BMP2K: variants seen among roughly 807,000 people sequenced by gnomAD.
The protein encoded by BMP2K is BMP2 inducible kinase.
A neutral mutation model predicts 116.0 loss-of-function variants in BMP2K; 74 were observed. The ratio of observed to expected loss-of-function variants is 0.64; its 90% CI spans 0.53 to 0.77. The LOEUF (loss-of-function observed/expected upper bound fraction) is 0.77. Among genes scored for constraint, BMP2K ranks in the 30% least tolerant of loss-of-function variants. BMP2K has a pLI of 0.00. For missense variants in BMP2K, 1,365 were observed against 1,403.6 expected (o/e 0.97, Z 0.44); for synonymous variants, 486 against 502.5 (o/e 0.97, Z 0.44).
chr4:78,839,565 C>A (rs1730656480), intron 3 of BMP2K, among the ~76,000 whole-genome samples: 1 of 152,046 alleles, frequency 6.6e-6, no homozygotes, highest in Non-Finnish European at 1.5e-5. Context: ...ATTGAAAAAT[C>A]TTGTTGTATT....
intron 3 of BMP2K, among the ~76,000 whole-genome samples, chr4:78,835,894 G>A (rs1056754002): frequency 2.6e-5 from 4 of 152,056 alleles, no homozygotes; most frequent in African/African-American, 9.7e-5. Flanking sequence ...GTTTTCTAGT[G>A]CTACTTTTGA....
At chr4:78,836,942 GAT>G (rs1272086983) in intron 3 of BMP2K, among the ~76,000 whole-genome samples, 2 of 152,146 alleles carry the variant, frequency 1.3e-5, no homozygotes, top group Admixed American at 6.5e-5. Context: ...GAAATTTCAA[GAT>G]ATACGTGCCT....
At chr4:78,883,451 T>C (rs1732950150) in intron 14 of BMP2K, among the ~76,000 whole-genome samples, 1 of 152,196 alleles carries the variant, frequency 6.6e-6, no homozygotes, top group African/African-American at 2.4e-5. Flanking sequence ...TGATTCTGTG[T>C]TTTGTGGAAC....
chr4:78,850,234 A>G (rs982696073), intron 6 of BMP2K, among the ~76,000 whole-genome samples: 3 of 151,732 alleles, frequency 2.0e-5, no homozygotes, highest in Non-Finnish European at 4.4e-5. Flanking sequence ...TGCAATTGGT[A>G]TTTTAGGGTG....
intron 3 of BMP2K, among the ~76,000 whole-genome samples, chr4:78,840,085 T>G (rs1033787214): frequency 1.3e-5 from 2 of 150,936 alleles, no homozygotes; most frequent in Non-Finnish European, 3.0e-5. Flanking sequence ...GTATTTTTGG[T>G]TTTTTTTTAA....
chr4:78,868,500 A>G (rs1179575277), intron 10 of BMP2K, among the ~76,000 whole-genome samples: 2 of 152,104 alleles, frequency 1.3e-5, no homozygotes, highest in African/African-American at 2.4e-5. Context: ...AAAACCAATC[A>G]TGCCTTCCCA....
chr4:78,864,998 T>G (rs991186212), intron 9 of BMP2K, among the ~76,000 whole-genome samples: 1 of 152,180 alleles, frequency 6.6e-6, no homozygotes, highest in Non-Finnish European at 1.5e-5. Flanking sequence ...GGGATAAATT[T>G]TATATACTTT....
At chr4:78,821,525 C>T (rs937657010) in intron 1 of BMP2K, among the ~76,000 whole-genome samples, 1 of 152,186 alleles carries the variant, frequency 6.6e-6, no homozygotes, top group Non-Finnish European at 1.5e-5. Context: ...TTTAGGACTA[C>T]ACTCACCTTT....
At chr4:78,778,215 GA>G (rs1727338709) in intron 1 of BMP2K, among the ~76,000 whole-genome samples, 1 of 151,566 alleles carries the variant, frequency 6.6e-6, no homozygotes, top group African/African-American at 2.4e-5. Context: ...TTATTTAATA[GA>G]AAAAAAATAC....
At chr4:78,867,596 T>C (rs1270345672) in intron 10 of BMP2K, among the ~76,000 whole-genome samples, 1 of 152,130 alleles carries the variant, frequency 6.6e-6, no homozygotes, top group Non-Finnish European at 1.5e-5. Context: ...AACACGTGAG[T>C]ATTGTATTTT....
At chr4:78,887,099 T>C (rs1437859400) in intron 14 of BMP2K, 75 bp from the exon 15 acceptor site, 7 of 1,013,564 alleles carry the variant, frequency 6.9e-6, no homozygotes, top group Non-Finnish European at 1.0e-5. Flanking sequence ...TTTATTTATA[T>C]GTATATCACT....
intron 1 of BMP2K, among the ~76,000 whole-genome samples, chr4:78,778,769 C>T (rs1049854492): frequency 1.3e-4 from 20 of 152,136 alleles, no homozygotes; most frequent in Non-Finnish European, 2.6e-4. Flanking sequence ...CGCATTTAAG[C>T]GTGATTAATC....
chr4:78,853,770 C>T (rs1222935135), intron 7 of BMP2K, among the ~76,000 whole-genome samples: 1 of 152,110 alleles, frequency 6.6e-6, no homozygotes, highest in African/African-American at 2.4e-5. Context: ...AAAAAGTACC[C>T]ACCTCTTACG....
intron 15 of BMP2K, 145 bp downstream of exon 15, chr4:78,887,429 TTAA>T (rs1733156564): frequency 4.6e-6 from 3 of 650,696 alleles, no homozygotes; most frequent in Non-Finnish European, 8.0e-6. Context: ...CCTACTCTTC[TTAA>T]TGATGTTCTT....
At chr4:78,822,704 G>A (rs528330061) in intron 1 of BMP2K, among the ~76,000 whole-genome samples, 6 of 152,088 alleles carry the variant, frequency 3.9e-5, no homozygotes, top group Non-Finnish European at 8.8e-5. Context: ...ACATATATAT[G>A]TAGAGTCTGT....
At chr4:78,795,566 C>T (rs1195036560) in intron 1 of BMP2K, among the ~76,000 whole-genome samples, 1 of 152,050 alleles carries the variant, frequency 6.6e-6, no homozygotes, top group Non-Finnish European at 1.5e-5. Context: ...AGAGCTTCTG[C>T]ACAGCAAAAG....
chr4:78,876,044 C>G (rs1373219808), intron 13 of BMP2K, among the ~76,000 whole-genome samples: 1 of 152,128 alleles, frequency 6.6e-6, no homozygotes, highest in Non-Finnish European at 1.5e-5. Context: ...GGAGGAATGT[C>G]AGATAACTTG....
intron 15 of BMP2K, among the ~76,000 whole-genome samples, chr4:78,897,031 C>G (rs1733737674): frequency 6.6e-6 from 1 of 151,778 alleles, no homozygotes; most frequent in South Asian, 2.1e-4. Flanking sequence ...AAATATATTG[C>G]TTGGGGGGAA....
intron 15 of BMP2K, among the ~76,000 whole-genome samples, chr4:78,899,958 A>C (rs1438370391): frequency 6.6e-6 from 1 of 152,200 alleles, no homozygotes; most frequent in African/African-American, 2.4e-5. Context: ...CAAGAAAATT[A>C]TATGATGTGA....
Sources: allele counts gnomAD v4.1 joint callset (sites outside exome capture counted in the v4.1 genomes callset), GRCh38; gene constraint gnomAD v4.1.1; transcripts MANE v1.5; gene names NCBI Gene and HGNC (gene_info 2026-07-23, HGNC 2026-07-21).